Variants in SNX29 observed in about 807,000 individuals in gnomAD.
The protein encoded by SNX29 is sorting nexin-29.
In SNX29, 78 loss-of-function variants were observed where a neutral mutation model predicts 102.1. That is an observed-to-expected ratio of 0.76 (90% confidence interval 0.64 to 0.92). The LOEUF (loss-of-function observed/expected upper bound fraction) is 0.92. SNX29 is among the 40% of genes least tolerant of loss of function. The pLI, the probability that SNX29 is intolerant of heterozygous loss-of-function variation, is 0.00. For missense variants in SNX29, 1,280 were observed against 1,061.7 expected (o/e 1.21, Z -2.86); for synonymous variants, 580 against 414.5 (o/e 1.40, Z -4.85).
intron 15 of SNX29, among the ~76,000 whole-genome samples, chr16:12,311,130 C>T (rs1026659174): frequency 1.3e-5 from 2 of 152,200 alleles, no homozygotes; most frequent in African/African-American, 4.8e-5. Context: ...GGCAGAGCTG[C>T]ATTGCTAAAA....
At chr16:12,021,731 TAC>T (rs1417725421) in intron 3 of SNX29, among the ~76,000 whole-genome samples, 1 of 151,620 alleles carries the variant, frequency 6.6e-6, no homozygotes, top group Non-Finnish European at 1.5e-5. Context: ...CTACTAAAAA[TAC>T]ACACAAAAAA....
Sources: gnomAD v4.1 joint callset for allele counts (sites outside exome capture counted in the v4.1 genomes callset) on GRCh38, gnomAD v4.1.1 for gene constraint, MANE v1.5 for transcripts, NCBI Gene and HGNC (gene_info 2026-07-23, HGNC 2026-07-21) for gene names.